NBAS: variants seen among roughly 807,000 people sequenced by gnomAD.
The protein encoded by NBAS is NAG/BC035112 fusion.
Under a neutral mutation model 302.5 loss-of-function variants are expected in NBAS, and 219 were observed. That is an observed-to-expected ratio of 0.72 (90% confidence interval 0.65 to 0.81). The LOEUF (loss-of-function observed/expected upper bound fraction) is 0.81. NBAS is among the 30% of genes least tolerant of loss of function. The pLI is 0.00. For synonymous variants in NBAS, 1,118 were observed against 1,021.6 expected, an observed-to-expected ratio of 1.09 and a Z score of -1.80; for missense variants, 2,932 against 2,841.6, an observed-to-expected ratio of 1.03 and a Z score of -0.72.
intron 25 of NBAS, among the ~76,000 whole-genome samples, chr2:15,407,854 A>G (rs558188762): frequency 2.0e-5 from 3 of 152,342 alleles, no homozygotes; most frequent in African/African-American, 7.2e-5. Context: ...GACTGAGCTA[A>G]AATTCAGTTG....
chr2:15,550,356 T>A (rs1017285404), intron 6 of NBAS, among the ~76,000 whole-genome samples: 7 of 152,044 alleles, frequency 4.6e-5, no homozygotes, highest in Non-Finnish European at 7.4e-5. Context: ...CACAAGAAAA[T>A]CATGTAAAGC....
At chr2:15,227,165 T>C (rs1008434643) in intron 47 of NBAS, among the ~76,000 whole-genome samples, 6 of 152,162 alleles carry the variant, frequency 3.9e-5, no homozygotes, top group African/African-American at 1.4e-4. Context: ...TTGGTCAAGC[T>C]GCAGATATAA....
chr2:14,838,478 T>G, the NBAS span, among the ~76,000 whole-genome samples: 1 of 152,036 alleles, frequency 6.6e-6, no homozygotes, highest in African/African-American at 2.4e-5. Context: ...TTTTATCTGG[T>G]TATATATGCT....
At chr2:15,025,808 G>T in the NBAS span, among the ~76,000 whole-genome samples, 5 of 152,108 alleles carry the variant, frequency 3.3e-5, no homozygotes, top group African/African-American at 1.2e-4. Flanking sequence ...TTTGCACATT[G>T]ATTTTGTATC....
intron 28 of NBAS, among the ~76,000 whole-genome samples, chr2:15,389,848 CTT>C (rs1438412651): frequency 2.6e-5 from 4 of 152,286 alleles, no homozygotes; most frequent in African/African-American, 9.6e-5. Flanking sequence ...TGAGATGACT[CTT>C]AAGACTACCC....
the NBAS span, among the ~76,000 whole-genome samples, chr2:14,976,810 T>C: frequency 6.6e-6 from 1 of 152,172 alleles, no homozygotes; most frequent in South Asian, 2.1e-4. Flanking sequence ...ATTGAAGTTA[T>C]GCATCCACAA....
chr2:15,488,492 G>A (rs1184134252), intron 12 of NBAS, among the ~76,000 whole-genome samples: 2 of 152,096 alleles, frequency 1.3e-5, no homozygotes, highest in Non-Finnish European at 2.9e-5. Flanking sequence ...CTCCCTTCAA[G>A]GAGGCCCCAA....
intron 38 of NBAS, among the ~76,000 whole-genome samples, chr2:15,317,753 A>C (rs903655998): frequency 6.6e-6 from 1 of 152,248 alleles, no homozygotes; most frequent in Non-Finnish European, 1.5e-5. Context: ...CTATGTGAAA[A>C]GACCAAATCT....
intron 30 of NBAS, among the ~76,000 whole-genome samples, chr2:15,377,577 T>A (rs557982489): frequency 6.6e-6 from 1 of 152,208 alleles, no homozygotes; most frequent in African/African-American, 2.4e-5. Flanking sequence ...CAAGGTCACA[T>A]ACCTGTTAGC....
the NBAS span, among the ~76,000 whole-genome samples, chr2:15,041,955 C>T: frequency 6.6e-6 from 1 of 152,190 alleles, no homozygotes; most frequent in African/African-American, 2.4e-5. Flanking sequence ...GAGCAGACTT[C>T]GTCTTAGCGA....
chr2:15,534,547 G>A lies in NBAS; in HGVS notation c.742C>T (p.His248Tyr). 2 of 1,599,874 alleles carry A rather than the reference G, an allele frequency of 1.3e-6. No individual in the cohort carries two copies. Among genetic ancestry groups the A allele is most frequent in the Non-Finnish European group, 1.7e-6 (2 of 1,166,734 alleles). ...TGAGAACAAATGGTTACTTACCTGTGACCAGGGTGGTAAATAGCTGTGTTG... is the reference window on the plus strand; with the variant it reads ...TGAGAACAAATGGTTACTTACCTGTAACCAGGGTGGTAAATAGCTGTGTTG... ...GINTAIYHPG[H>Y]RLLLVGGCET... The change falls in exon 9 of 52, where the codon CAC becomes TAC. Residue 248 changes from histidine to tyrosine, a missense_variant. His to Tyr is a moderately conservative substitution (Grantham distance 83). Transcript: ENST00000281513.
chr2:15,213,486 A>G (rs550391942), intron 48 of NBAS, among the ~76,000 whole-genome samples: 2 of 152,214 alleles, frequency 1.3e-5, no homozygotes, highest in Non-Finnish European at 2.9e-5. Context: ...TCATAGTGGG[A>G]AGAGGAAAAG....
the NBAS span, among the ~76,000 whole-genome samples, chr2:14,801,112 GC>G: frequency 6.6e-6 from 1 of 151,880 alleles, no homozygotes; most frequent in South Asian, 2.1e-4. Flanking sequence ...TTTAACCAAT[GC>G]CCCCTGCCAT....
the NBAS span, among the ~76,000 whole-genome samples, chr2:15,134,483 A>T: frequency 0.072 from 10,968 of 151,690 alleles, 393 homozygotes; most frequent in South Asian, 0.11. Flanking sequence ...TCTCTCTCTC[A>T]CACACACACA....
At chr2:15,305,537 C>T (rs1255080867) in intron 40 of NBAS, among the ~76,000 whole-genome samples, 3 of 151,464 alleles carry the variant, frequency 2.0e-5, no homozygotes, top group Non-Finnish European at 2.9e-5. Context: ...CTGCAACCTC[C>T]GCCTCCCAGA....
At chr2:15,536,592 ACTAG>A in intron 7 of NBAS, 41 bp from the exon 8 acceptor site, 7 of 1,501,884 alleles carry the variant, frequency 4.7e-6, no homozygotes, top group Non-Finnish European at 6.4e-6. Flanking sequence ...AAAAAAAAAA[ACTAG>A]ATAAAAGTTA....
intron 46 of NBAS, 84 bp downstream of exon 46, chr2:15,234,461 C>T: frequency 7.1e-7 from 1 of 1,406,352 alleles, no homozygotes; most frequent in Non-Finnish European, 1.0e-6. Context: ...TTATAAAATG[C>T]TTTTACATAC....
chr2:15,218,037 T>G (rs948745367), intron 48 of NBAS, among the ~76,000 whole-genome samples: 2 of 152,214 alleles, frequency 1.3e-5, no homozygotes, highest in Admixed American at 6.5e-5. Flanking sequence ...CTTGTGTCTC[T>G]GTTACATTAT....
intron 48 of NBAS, among the ~76,000 whole-genome samples, chr2:15,212,522 T>C (rs1260999432): frequency 6.6e-6 from 1 of 152,206 alleles, no homozygotes; most frequent in Admixed American, 6.5e-5. Context: ...ACACAGTGGC[T>C]GCACGCCCTC....
Sources: gnomAD v4.1 joint callset for allele counts (sites outside exome capture counted in the v4.1 genomes callset) on GRCh38, gnomAD v4.1.1 for gene constraint, MANE v1.5 for transcripts, NCBI Gene and HGNC (gene_info 2026-07-23, HGNC 2026-07-21) for gene names.